The following SLC48A1 variants were observed in gnomAD, a reference collection of about 807,000 sequenced individuals.
SLC48A1 encodes the protein heme transporter HRG1.
SLC48A1 carries 6 observed loss-of-function variants against 14.8 expected under a neutral mutation model. The ratio of observed to expected loss-of-function variants is 0.41; its 90% CI spans 0.22 to 0.80. The LOEUF is 0.80. Ranked by LOEUF, SLC48A1 falls within the 30% of genes least tolerant of loss-of-function variation. SLC48A1 has a pLI of 0.34. For synonymous variants in SLC48A1, 89 were observed against 90.0 expected (o/e 0.99, Z 0.06); for missense variants, 165 against 204.8 (o/e 0.81, Z 1.19).
At chr12:47,778,772 C>T (rs1942803032) in intron 1 of SLC48A1, 7 of 419,636 alleles carry the variant, frequency 1.7e-5, no homozygotes, top group South Asian at 6.2e-5. Context: ...TCATGTTTTC[C>T]AAAACAAAAT....
chr12:47,778,505 G>A (rs1278807430), intron 1 of SLC48A1: 2 of 154,018 alleles, frequency 1.3e-5, no homozygotes, highest in African/African-American at 4.8e-5. Context: ...TGGGGCAGGA[G>A]CATGGCTTCC....
chr12:47,764,068 C>T (rs1942454552), intron 2 of SLC48A1, among the ~76,000 whole-genome samples: 1 of 152,174 alleles, frequency 6.6e-6, no homozygotes, highest in African/African-American at 2.4e-5. Flanking sequence ...TGCCTCCCGG[C>T]AAGTTTACTG....
upstream of SLC48A1, among the ~76,000 whole-genome samples, chr12:47,772,713 TGAG>T (rs1942652835): frequency 6.7e-6 from 1 of 149,480 alleles, no homozygotes; most frequent in Non-Finnish European, 1.5e-5. Flanking sequence ...GAGCTGTGCG[TGAG>T]GATAGAATGT....
chr12:47,776,627 G>A lies in SLC48A1; in HGVS notation c.137-2401G>A, dbSNP rs557581150. On this transcript the variant is annotated intron_variant, in intron 1 of 2. Coordinates refer to ENST00000442218, the MANE Select transcript of SLC48A1 (RefSeq NM_017842.3). ...TCTGGAGGGGAGGCCTCTGTGCAGG[G>A]CCTGGAGCAAGGTTGAGGGAAGGTG... is the stretch of plus-strand genomic sequence containing the variant. Among the ~76,000 whole-genome samples the A allele has an allele frequency of 7.9e-5, 12 of 152,312 alleles. 1 individual carries two copies. Among genetic ancestry groups the A allele is most frequent in the Admixed American group, 7.2e-4 (11 of 15,310 alleles).
upstream of SLC48A1, among the ~76,000 whole-genome samples, chr12:47,754,969 C>G (rs1286482474): frequency 6.6e-6 from 1 of 152,234 alleles, no homozygotes; most frequent in Non-Finnish European, 1.5e-5. Flanking sequence ...GAGACAGGCA[C>G]AGAGCCAGAC....
At chr12:47,778,468 C>T (rs554548036) in intron 1 of SLC48A1, 1 of 153,152 alleles carries the variant, frequency 6.5e-6, no homozygotes, top group East Asian at 1.9e-4. Flanking sequence ...AGACTGTGGC[C>T]TCTGAGGGCT....
chr12:47,770,028 G>T (rs1221720484), upstream of SLC48A1, among the ~76,000 whole-genome samples: 1 of 152,196 alleles, frequency 6.6e-6, no homozygotes, highest in Non-Finnish European at 1.5e-5. Context: ...CTTCCAGGCA[G>T]AAAGTCAATT....
rs555773003 is a variant in SLC48A1, at chr12:47,775,359, GCGCTAGGGCAGCAGCT to G, written c.136+1951_136+1966del. Among the ~76,000 whole-genome samples, 1,423 of 152,246 alleles carry G rather than the reference GCGCTAGGGCAGCAGCT, an allele frequency of 9.3e-3. 15 individuals are homozygous for G. Among genetic ancestry groups the G allele is most frequent in the African/African-American group, 0.027 (1,123 of 41,516 alleles). On this transcript the variant is annotated intron_variant, in intron 1 of 2. Transcript: ENST00000442218. ...GCTGTGGAGCTGCCTTCAGAGAGAG[GCGCTAGGGCAGCAGCT>G]CGCTAGGGCAGCAGCTCGCTAGGGC...
Position 47,779,010 on chromosome 12 carries a change from G to A in SLC48A1, c.137-18G>A. The stretch of plus-strand genomic sequence containing the variant: ...CTGGAGCACCCTGGGGATGGGCCCT[G>A]ATGTGTCTCTCCTGCAGGGGTGCTG... On this transcript the variant is annotated intron_variant, in intron 1 of 2. Coordinates refer to ENST00000442218, the MANE Select transcript of SLC48A1 (RefSeq NM_017842.3). 6.4e-7 allele frequency: 1 copy of A among 1,550,628 alleles called. No homozygotes were observed. The highest frequency in any genetic ancestry group is 8.7e-7 in the Non-Finnish European group (1 of 1,146,324).
In SLC48A1 at chr12:47,777,753, C is replaced by T. The variant is rs910001006; in HGVS notation, c.137-1275C>T. ...CTTATAACCCAGCCTGAGAAAACAG[C>T]GTAGATAAAATAGCATAGATTTCCC... is the stretch of plus-strand genomic sequence containing the variant. On this transcript the variant is annotated intron_variant, in intron 1 of 2. Coordinates refer to ENST00000442218, the MANE Select transcript of SLC48A1 (RefSeq NM_017842.3). This position sits in a 1 kb window ranked among gnomAD's most constrained non-coding sequence, Gnocchi z 4.5. Among the ~76,000 whole-genome samples, 5 of 152,162 alleles carry T rather than the reference C, an allele frequency of 3.3e-5. No homozygotes were observed. Among genetic ancestry groups the T allele is most frequent in the African/African-American group, 1.2e-4 (5 of 41,438 alleles).
chr12:47,760,073 T>G (rs2136839188), intron 1 of SLC48A1: 1 of 388,958 alleles, frequency 2.6e-6, no homozygotes, highest in East Asian at 1.6e-4. Flanking sequence ...ATTTTAATTG[T>G]GATTAAAATC....
intron 1 of SLC48A1, 136 bp downstream of exon 1, chr12:47,773,576 C>A (rs1336857800): frequency 8.3e-7 from 1 of 1,205,482 alleles, no homozygotes; most frequent in Non-Finnish European, 1.0e-6. Flanking sequence ...CAGCGGTTGG[C>A]GGCGGCAGGC....
chr12:47,757,831 T>A, upstream of SLC48A1: 1 of 1,528,920 alleles, frequency 6.5e-7, no homozygotes, highest in Non-Finnish European at 8.8e-7. Flanking sequence ...GCTCTGGTAC[T>A]GGCCCTGGCA....
intron 2 of SLC48A1, among the ~76,000 whole-genome samples, 159 bp from the exon 3 acceptor site, chr12:47,779,986 G>A (rs1745738190): frequency 6.6e-6 from 1 of 152,234 alleles, no homozygotes; most frequent in Non-Finnish European, 1.5e-5. Context: ...GGGGACCATG[G>A]CTCTAAAACC....
chr12:47,773,195 C>T, upstream of SLC48A1: 1 of 1,006,810 alleles, frequency 9.9e-7, no homozygotes, highest in Non-Finnish European at 1.2e-6. Context: ...GGGCGGAGCG[C>T]GGGGCGCCGG....
chr12:47,765,190 T>A (rs1357774831), intron 2 of SLC48A1, among the ~76,000 whole-genome samples: 1 of 138,334 alleles, frequency 7.2e-6, no homozygotes, highest in Non-Finnish European at 1.5e-5. Context: ...AACAGAAAAG[T>A]GGGATCCAGA....
In SLC48A1 at chr12:47,776,657, G is replaced by A. The variant is rs371125081; in HGVS notation, c.137-2371G>A. On this transcript the variant is annotated intron_variant, in intron 1 of 2. Transcript: ENST00000442218. ...GAGCAAGGTTGAGGGAAGGTGAGAG[G>A]TGGGTAAACCATGCCTGTTGTTAAC... Among the ~76,000 whole-genome samples, 14 of 152,252 alleles carry A rather than the reference G, an allele frequency of 9.2e-5. No homozygotes were observed. The South Asian group carries it at 1.5e-3, about 16-fold the overall frequency.
At chr12:47,756,686 C>T (rs376182190), upstream of SLC48A1, among the ~76,000 whole-genome samples, 69 of 152,206 alleles carry the variant, frequency 4.5e-4, no homozygotes, top group African/African-American at 1.6e-3. Flanking sequence ...GAAGTGAACT[C>T]TCGGCTAGGC....
chr12:47,771,404 C>T (rs1184585898), upstream of SLC48A1, among the ~76,000 whole-genome samples: 1 of 151,610 alleles, frequency 6.6e-6, no homozygotes, highest in East Asian at 1.9e-4. Context: ...GTTTATGTTC[C>T]AGAGGGGGTG....
Sources: allele counts gnomAD v4.1 joint callset (sites outside exome capture counted in the v4.1 genomes callset), GRCh38; gene constraint gnomAD v4.1.1; non-coding constraint Gnocchi (gnomAD v3.1); transcripts MANE v1.5; gene names NCBI Gene and HGNC (gene_info 2026-07-23, HGNC 2026-07-21).